WDR41: variants seen among roughly 807,000 people sequenced by gnomAD.
WDR41 encodes WD repeat domain 41.
WDR41 carries 63 observed loss-of-function variants against 69.3 expected under a neutral mutation model. That is an observed-to-expected ratio of 0.91 (90% confidence interval 0.74 to 1.12). The LOEUF (loss-of-function observed/expected upper bound fraction) is 1.12. WDR41 is among the 50% of genes most tolerant of loss of function. WDR41 has a pLI of 0.00. For synonymous variants in WDR41, 185 were observed against 192.1 expected (o/e 0.96, Z 0.31); for missense variants, 543 against 534.5 (o/e 1.02, Z -0.16).
At chr5:77,524,906 T>A (rs115961621) in intron 1 of WDR41, among the ~76,000 whole-genome samples, 2,776 of 152,328 alleles carry the variant, frequency 0.018, 59 homozygotes, top group African/African-American at 0.055. Flanking sequence ...CCAAAATATA[T>A]CTGAATTTGT....
intron 1 of WDR41, among the ~76,000 whole-genome samples, chr5:77,611,850 G>A (rs1470110914): frequency 1.3e-5 from 2 of 152,014 alleles, no homozygotes; most frequent in African/African-American, 4.8e-5. Flanking sequence ...AATGAATCCA[G>A]GAGCTGGTTT....
chr5:77,437,221 C>A (rs1798972667), intron 11 of WDR41, 115 bp downstream of exon 11: 4 of 842,030 alleles, frequency 4.8e-6, no homozygotes, highest in Non-Finnish European at 7.9e-6. Flanking sequence ...ACATCTGATG[C>A]CTATTTGGAG....
At chr5:77,492,121 C>G (rs750653167) in intron 1 of WDR41, 49 bp downstream of exon 1, 1 of 1,597,918 alleles carries the variant, frequency 6.3e-7, no homozygotes, top group Admixed American at 1.7e-5. Flanking sequence ...AACGAAGCCG[C>G]CCCTCCAGCA....
chr5:77,556,826 AATGGC>A (rs2112250478), intron 1 of WDR41, among the ~76,000 whole-genome samples: 1 of 152,266 alleles, frequency 6.6e-6, no homozygotes, highest in East Asian at 1.9e-4. Context: ...GCCAGTTCTA[AATGGC>A]TTGAGGGAGG....
chr5:77,442,221 A>G (rs1184634255), intron 8 of WDR41, among the ~76,000 whole-genome samples: 1 of 152,244 alleles, frequency 6.6e-6, no homozygotes, highest in African/African-American at 2.4e-5. Context: ...TAAATGTACA[A>G]GGTTGTTACA....
Position 77,613,154 on chromosome 5 carries a change from G to C in WDR41, c.42+7325C>G, listed in dbSNP as rs1437093705. On this transcript the variant is annotated intron_variant, in intron 1 of 5. Transcript: ENST00000509971. ...TCAATGAAATAAAAGAGGATACAAA[G>C]AAATGGAAGAAAATTCCATGCTCAT... 1.9e-3 allele frequency among the ~76,000 whole-genome samples: 296 copies of C among 151,910 alleles called. 1 individual carries two copies. The highest frequency in any genetic ancestry group is 6.2e-3 in the African/African-American group (257 of 41,386).
upstream of WDR41, among the ~76,000 whole-genome samples, chr5:77,493,536 G>A (rs1190334319): frequency 1.3e-5 from 2 of 152,082 alleles, no homozygotes; most frequent in Admixed American, 6.6e-5. Flanking sequence ...TCTGGAACTC[G>A]GATCTCCTAT....
intron 1 of WDR41, among the ~76,000 whole-genome samples, chr5:77,534,409 GTT>G (rs1453972667): frequency 6.6e-6 from 1 of 151,568 alleles, no homozygotes; most frequent in Non-Finnish European, 1.5e-5. Flanking sequence ...ATGAAAAACA[GTT>G]TTGAATAAAG....
At chr5:77,479,022 T>C (rs1468617538) in intron 2 of WDR41, among the ~76,000 whole-genome samples, 1 of 151,830 alleles carries the variant, frequency 6.6e-6, no homozygotes, top group Non-Finnish European at 1.5e-5. Context: ...AGCATTCTTA[T>C]ACACCAACAA....
At chr5:77,604,613 A>G (rs1744380735) in intron 1 of WDR41, among the ~76,000 whole-genome samples, 2 of 152,200 alleles carry the variant, frequency 1.3e-5, no homozygotes, top group African/African-American at 4.8e-5. Context: ...TAAAAATGGA[A>G]AAGTCTTTGA....
chr5:77,490,321 C>T (rs1328332122), intron 1 of WDR41, among the ~76,000 whole-genome samples: 1 of 152,096 alleles, frequency 6.6e-6, no homozygotes, highest in African/African-American at 2.4e-5. Context: ...TGAGCAGCAT[C>T]CCTGGTCTAT....
At chr5:77,458,986 C>A in intron 5 of WDR41, 76 bp downstream of exon 5, 1 of 1,049,360 alleles carries the variant, frequency 9.5e-7, no homozygotes, top group Admixed American at 2.3e-5. Flanking sequence ...AAAGTAATTT[C>A]GTCTAACTCT....
chr5:77,576,093 T>C (rs965468376), intron 1 of WDR41, among the ~76,000 whole-genome samples: 5 of 152,178 alleles, frequency 3.3e-5, no homozygotes, highest in African/African-American at 9.7e-5. Flanking sequence ...TAATACTTCA[T>C]AGCATGTCTT....
intron 10 of WDR41, among the ~76,000 whole-genome samples, chr5:77,437,798 C>A (rs1033450629): frequency 1.3e-5 from 2 of 152,122 alleles, no homozygotes; most frequent in Non-Finnish European, 2.9e-5. Context: ...TAGTCCCTGT[C>A]CATATGTTCG....
At chr5:77,610,691 C>T (rs1165720997) in intron 1 of WDR41, among the ~76,000 whole-genome samples, 1 of 152,238 alleles carries the variant, frequency 6.6e-6, no homozygotes, top group African/African-American at 2.4e-5. Context: ...GTACAAGCTG[C>T]TGCAAAATCA....
intron 1 of WDR41, among the ~76,000 whole-genome samples, chr5:77,581,155 G>A (rs1200448937): frequency 2.0e-5 from 3 of 151,828 alleles, no homozygotes; most frequent in Non-Finnish European, 2.9e-5. Context: ...AAGTAAAAAG[G>A]TAAAAATTAT....
intron 1 of WDR41, among the ~76,000 whole-genome samples, chr5:77,608,215 T>C (rs897468379): frequency 5.3e-5 from 8 of 152,248 alleles, no homozygotes; most frequent in African/African-American, 1.2e-4. Context: ...CAGAATGTCC[T>C]CAAGGTTCAT....
chr5:77,436,529 G>T, intron 11 of WDR41, 135 bp from the exon 12 acceptor site: 1 of 1,031,484 alleles, frequency 9.7e-7, no homozygotes, highest in Non-Finnish European at 1.4e-6. Context: ...CCTGAGCACC[G>T]TGCTAGGGTT....
At position 77,437,411 on chromosome 5, in the gene WDR41, A is replaced by G. The variant is rs1172385783; in HGVS notation, c.1018T>C (p.Cys340Arg). 18 of 1,613,772 alleles carry G rather than the reference A, an allele frequency of 1.1e-5. No homozygotes were observed. Among genetic ancestry groups the G allele is most frequent in the Middle Eastern group, 3.3e-4 (2 of 6,084 alleles). Reference sequence around the variant, plus strand: ...ATGCGTACACTGCCATCTTCTGAGCATGAGATTAACTGCCTGTCAGAACAG... The same window carrying G: ...ATGCGTACACTGCCATCTTCTGAGCGTGAGATTAACTGCCTGTCAGAACAG... ...ARLPNRQLIS[C>R]SEDGSVRIWE... The change falls in exon 11 of 13, where the codon TGC (cysteine) becomes CGC (arginine). Residue 340 changes from cysteine to arginine, a missense_variant. By Grantham distance (180) the Cys-to-Arg change is radical. Coordinates refer to ENST00000296679, the MANE Select transcript of WDR41 (RefSeq NM_018268.4).
Sources: allele counts gnomAD v4.1 joint callset (sites outside exome capture counted in the v4.1 genomes callset), GRCh38; gene constraint gnomAD v4.1.1; transcripts MANE v1.5; gene names NCBI Gene and HGNC (gene_info 2026-07-23, HGNC 2026-07-21).